COL14A1: variants seen among roughly 807,000 people sequenced by gnomAD.
The protein encoded by COL14A1 is collagen alpha-1(XIV) chain.
A neutral mutation model predicts 230.3 loss-of-function variants in COL14A1; 136 were observed. The observed-to-expected ratio is 0.59, with a 90% CI of 0.51 to 0.68. The LOEUF (loss-of-function observed/expected upper bound fraction) is 0.68. Ranked by LOEUF, COL14A1 falls within the 30% of genes least tolerant of loss-of-function variation. The pLI is 0.00. For missense variants in COL14A1, 1,976 were observed against 2,215.8 expected (o/e 0.89, Z 2.17); for synonymous variants, 792 against 784.1 (o/e 1.01, Z -0.17).
chr8:120,170,883 G>A (rs1052553062), intron 5 of COL14A1, among the ~76,000 whole-genome samples: 1 of 151,114 alleles, frequency 6.6e-6, no homozygotes, highest in African/African-American at 2.4e-5. Flanking sequence ...CACTCTCTTT[G>A]TGTCTCAAGT....
intron 40 of COL14A1, among the ~76,000 whole-genome samples, chr8:120,326,376 T>G (rs1220221463): frequency 6.6e-6 from 1 of 152,186 alleles, no homozygotes; most frequent in Non-Finnish European, 1.5e-5. Flanking sequence ...CTGTAAACTC[T>G]TAGAAGAGTG....
chr8:120,159,984 G>A (rs1431788204), intron 3 of COL14A1, among the ~76,000 whole-genome samples: 3 of 152,096 alleles, frequency 2.0e-5, no homozygotes, highest in Non-Finnish European at 2.9e-5. Flanking sequence ...GAGCTATCAC[G>A]CCCAGCCTGA....
intron 23 of COL14A1, among the ~76,000 whole-genome samples, chr8:120,258,412 A>G (rs1232589050): frequency 6.6e-6 from 1 of 152,116 alleles, no homozygotes. Context: ...TAAATCTGTC[A>G]TTGAGTGCAA....
rs956483474 is a variant in COL14A1, at chr8:120,263,015, G to A, written c.3016+1G>A. 2.5e-6 allele frequency: 4 copies of A among 1,602,860 alleles called. No individual in the cohort carries two copies. Among genetic ancestry groups the A allele is most frequent in the African/African-American group, 1.3e-5 (1 of 74,408 alleles). ...AGTGTGAGCATAATGGAAAAAACAC[G>A]TAAGTCATGTGTGTTCTCTCCTGAT... On this transcript the variant is annotated splice_donor_variant, in intron 24 of 47. Coordinates refer to ENST00000297848, the MANE Select transcript of COL14A1 (RefSeq NM_021110.4). LOFTEE classifies it high-confidence loss of function.
At position 120,371,881 on chromosome 8, in the gene COL14A1, G is replaced by C. The variant is rs1178912265; in HGVS notation, c.*650G>C. ...GAAATAATGATTTTCCACCAGCTCT[G>C]ATGCAAAGAGATATAATTTTAATGA... On this transcript the variant is annotated 3_prime_UTR_variant, in exon 48 of 48. Coordinates refer to ENST00000297848, the MANE Select transcript of COL14A1 (RefSeq NM_021110.4). The C allele has an allele frequency of 2.8e-6, 1 of 361,428 alleles. No homozygotes were observed. The highest frequency in any genetic ancestry group is 2.1e-5 in the African/African-American group (1 of 48,096). 22.4% of individuals were successfully genotyped at this position (361,428 alleles called of 1,614,324 possible). A position where few individuals can be genotyped will look rare whatever the true frequency, so the allele number is the denominator to read the frequency against.
intron 40 of COL14A1, among the ~76,000 whole-genome samples, chr8:120,327,979 G>A (rs1264827168): frequency 6.6e-6 from 1 of 151,902 alleles, no homozygotes; most frequent in Admixed American, 6.6e-5. Flanking sequence ...GGCCAGGCTG[G>A]TCTCGAACTC....
At chr8:120,261,981 G>A (rs1463268903) in intron 23 of COL14A1, among the ~76,000 whole-genome samples, 1 of 152,172 alleles carries the variant, frequency 6.6e-6, no homozygotes, top group Non-Finnish European at 1.5e-5. Context: ...CTTGCCTGCT[G>A]TTGTGGCAGC....
At chr8:120,293,579 C>A (rs1001266325) in intron 34 of COL14A1, among the ~76,000 whole-genome samples, 1 of 151,452 alleles carries the variant, frequency 6.6e-6, no homozygotes, top group African/African-American at 2.4e-5. Context: ...GGGTCAGGTC[C>A]CCTTTCAAAA....
At position 120,250,821 on chromosome 8, in the gene COL14A1, T is replaced by TG. The variant is rs577638020; in HGVS notation, c.2752+55_2752+56insG. 655 of 1,596,960 alleles carry TG rather than the reference T, an allele frequency of 4.1e-4. 5 individuals are homozygous for TG. In the South Asian group the frequency reaches 6.8e-3, roughly 16 times the overall value. ...CATATGGGTTTTTGTTTTGTTTTGT[T>TG]TTTTGAGATGGAGTCTCGCTCTGTC... On this transcript the variant is annotated intron_variant, in intron 22 of 47. Coordinates refer to ENST00000297848, the MANE Select transcript of COL14A1 (RefSeq NM_021110.4).
At chr8:120,262,137 G>A (rs1819347165) in intron 23 of COL14A1, among the ~76,000 whole-genome samples, 1 of 152,022 alleles carries the variant, frequency 6.6e-6, no homozygotes, top group African/African-American at 2.4e-5. Context: ...ATAACATTGG[G>A]CTGTGTTCAG....
At chr8:120,258,498 G>T (rs546924792) in intron 23 of COL14A1, among the ~76,000 whole-genome samples, 1 of 152,116 alleles carries the variant, frequency 6.6e-6, no homozygotes, top group East Asian at 1.9e-4. Flanking sequence ...TGGAGGTGGG[G>T]GTGTTATTCA....
chr8:120,191,863 G>T (rs1201318606), intron 5 of COL14A1, among the ~76,000 whole-genome samples: 1 of 152,114 alleles, frequency 6.6e-6, no homozygotes, highest in East Asian at 1.9e-4. Context: ...GGCTAGGATT[G>T]CAACCCCTGC....
At chr8:120,364,438 T>C (rs1181871747) in intron 45 of COL14A1, among the ~76,000 whole-genome samples, 1 of 152,228 alleles carries the variant, frequency 6.6e-6, no homozygotes, top group Non-Finnish European at 1.5e-5. Context: ...TACTGATTTT[T>C]AACAAGGTTG....
chr8:120,156,174 CT>C (rs67203803), intron 2 of COL14A1, among the ~76,000 whole-genome samples: 4 of 148,128 alleles, frequency 2.7e-5, no homozygotes, highest in Admixed American at 6.7e-5. Flanking sequence ...AGGGTGACTT[CT>C]TTTTTTTTTT....
intron 46 of COL14A1, among the ~76,000 whole-genome samples, chr8:120,368,491 G>A (rs947225800): frequency 6.6e-6 from 1 of 151,624 alleles, no homozygotes; most frequent in Non-Finnish European, 1.5e-5. Flanking sequence ...TATTCAAATA[G>A]AAGGTGATAC....
In COL14A1 at chr8:120,218,051, C is replaced by G. The variant is rs796842620; in HGVS notation, c.1737+1561C>G. Among the ~76,000 whole-genome samples the G allele has an allele frequency of 1.4e-3, 194 of 135,202 alleles. 1 individual carries two copies. The highest frequency in any genetic ancestry group is 0.012 in the Middle Eastern group (3 of 254). The allele number at this position is 135,202 out of a possible 152,430, so 88.7% of individuals were successfully genotyped here. ...ATATAAATAAATATATATTATATAT[C>G]TATTTTTATGTATCTATATATAAAT... On this transcript the variant is annotated intron_variant, in intron 14 of 47. Transcript: ENST00000297848.
rs1384182486 is a variant in COL14A1, at chr8:120,373,003, C to T, written c.*1772C>T. 6.6e-6 allele frequency among the ~76,000 whole-genome samples: 1 copy of T among 152,130 alleles called. No individual in the cohort carries two copies. Among genetic ancestry groups the T allele is most frequent in the Non-Finnish European group, 1.5e-5 (1 of 68,024 alleles). On this transcript the variant is annotated 3_prime_UTR_variant, in exon 48 of 48. Transcript: ENST00000297848. The stretch of plus-strand genomic sequence containing the variant: ...TCTAAGGCTCATCAAGATGGCCTGA[C>T]CCAGAGTCACCTAAGAGAACTCTTC...
intron 34 of COL14A1, among the ~76,000 whole-genome samples, chr8:120,291,280 G>A (rs1384562015): frequency 1.3e-5 from 2 of 152,014 alleles, no homozygotes; most frequent in African/African-American, 4.8e-5. Context: ...AGAGAATCCG[G>A]GCCGGGAGCA....
At chr8:120,198,399 G>A (rs928786591) in intron 7 of COL14A1, among the ~76,000 whole-genome samples, 1 of 151,994 alleles carries the variant, frequency 6.6e-6, no homozygotes, top group African/African-American at 2.4e-5. Flanking sequence ...ATAATAATAT[G>A]GATCTTTGGC....
Sources: gnomAD v4.1 joint callset for allele counts (sites outside exome capture counted in the v4.1 genomes callset) on GRCh38, gnomAD v4.1.1 for gene constraint, MANE v1.5 for transcripts, NCBI Gene and HGNC (gene_info 2026-07-23, HGNC 2026-07-21) for gene names.